The following GSK3B variants were observed in gnomAD, a reference collection of about 807,000 sequenced individuals.
GSK3B encodes the protein glycogen synthase kinase 3 beta, also known as glycogen synthase kinase-3 beta.
Under a neutral mutation model 56.4 loss-of-function variants are expected in GSK3B, and 15 were observed. The ratio of observed to expected loss-of-function variants is 0.27; its 90% CI spans 0.18 to 0.41. The LOEUF is 0.41. Among genes scored for constraint, GSK3B ranks in the 10% least tolerant of loss-of-function variants. The pLI is 1.00. For missense variants in GSK3B, 300 were observed against 513.4 expected (o/e 0.58, Z 4.02); for synonymous variants, 181 against 188.9 (o/e 0.96, Z 0.34).
At chr3:119,932,215 T>C (rs1022562777) in intron 3 of GSK3B, among the ~76,000 whole-genome samples, 1 of 152,198 alleles carries the variant, frequency 6.6e-6, no homozygotes, top group Non-Finnish European at 1.5e-5. Flanking sequence ...AGACATCAAA[T>C]GCAGCATCAC....
chr3:119,957,971 T>C (rs1028056161), intron 2 of GSK3B, among the ~76,000 whole-genome samples: 3 of 152,120 alleles, frequency 2.0e-5, no homozygotes, highest in Admixed American at 6.5e-5. Context: ...TGGCTCCACG[T>C]CCCCACCCAA....
At chr3:119,898,674 C>T (rs1257438739) in intron 7 of GSK3B, among the ~76,000 whole-genome samples, 2 of 152,126 alleles carry the variant, frequency 1.3e-5, no homozygotes, top group Non-Finnish European at 2.9e-5. Context: ...CCTACTCTTC[C>T]TGTATATACG....
At chr3:119,894,464 T>C (rs1020654087) in intron 7 of GSK3B, among the ~76,000 whole-genome samples, 2 of 152,144 alleles carry the variant, frequency 1.3e-5, no homozygotes, top group African/African-American at 2.4e-5. Context: ...AGTGTGATAA[T>C]AGTATTCATT....
chr3:120,000,336 C>T (rs941549688), intron 2 of GSK3B, among the ~76,000 whole-genome samples: 3 of 152,244 alleles, frequency 2.0e-5, no homozygotes, highest in Admixed American at 2.0e-4. Context: ...TTTGAGATAA[C>T]AGTACAATAT....
At chr3:119,954,106 C>G (rs2057185684) in intron 2 of GSK3B, among the ~76,000 whole-genome samples, 1 of 152,072 alleles carries the variant, frequency 6.6e-6, no homozygotes, top group Non-Finnish European at 1.5e-5. Flanking sequence ...GAGCAGGTTA[C>G]TTTGTCTTTA....
intron 1 of GSK3B, among the ~76,000 whole-genome samples, chr3:120,032,553 C>G (rs1360737382): frequency 6.6e-6 from 1 of 152,042 alleles, no homozygotes; most frequent in East Asian, 1.9e-4. Context: ...GTGGCATGTT[C>G]CTGTAGTCCC....
chr3:119,844,349 G>A (rs1355827840), intron 9 of GSK3B, among the ~76,000 whole-genome samples: 1 of 132,376 alleles, frequency 7.6e-6, no homozygotes, highest in Non-Finnish European at 1.6e-5. Flanking sequence ...GAAGGAGACA[G>A]AGACACAAAA....
chr3:120,041,839 A>C (rs894345350), intron 1 of GSK3B, among the ~76,000 whole-genome samples: 7 of 152,352 alleles, frequency 4.6e-5, no homozygotes, highest in Middle Eastern at 3.4e-3. Flanking sequence ...GCTCTTAAAG[A>C]AATAGAGTCA....
At chr3:120,046,390 A>G (rs912958512) in intron 1 of GSK3B, among the ~76,000 whole-genome samples, 1 of 152,188 alleles carries the variant, frequency 6.6e-6, no homozygotes, top group African/African-American at 2.4e-5. Flanking sequence ...CAAGATGTTA[A>G]TAACAGGGGA....
chr3:120,084,506 T>C (rs970073598), intron 1 of GSK3B: 1 of 152,200 alleles, frequency 6.6e-6, no homozygotes, highest in Non-Finnish European at 1.5e-5. Flanking sequence ...ATATATTCCT[T>C]TATAAAAGTA....
At chr3:120,079,587 G>A (rs1382653403) in intron 1 of GSK3B, among the ~76,000 whole-genome samples, 1 of 151,544 alleles carries the variant, frequency 6.6e-6, no homozygotes. Context: ...TAGATATGAG[G>A]TTTCACCATG....
intron 1 of GSK3B, chr3:120,028,649 A>C: frequency 2.9e-6 from 1 of 343,748 alleles, no homozygotes. Context: ...ATGCTACTTT[A>C]ATAAATCCCA....
chr3:119,925,705 T>G (rs2056883194), intron 3 of GSK3B, among the ~76,000 whole-genome samples: 1 of 145,404 alleles, frequency 6.9e-6, no homozygotes, highest in South Asian at 2.2e-4. Flanking sequence ...TCTCCCATCT[T>G]AAAAAAAAAA....
In GSK3B at chr3:119,823,151, T is replaced by G. The variant is rs537681129; in HGVS notation, c.*3637A>C. ...AAAATAGTAACCTTTGGTTTGGTAGTTTTTTCTTCTATTCAAGACATTTTA... is the reference window on the plus strand; with the variant it reads ...AAAATAGTAACCTTTGGTTTGGTAGGTTTTTCTTCTATTCAAGACATTTTA... On this transcript the variant is annotated 3_prime_UTR_variant, in exon 11 of 11. Coordinates refer to ENST00000264235, the MANE Select transcript of GSK3B (RefSeq NM_001146156.2). 3 of 230,050 alleles carry G rather than the reference T, an allele frequency of 1.3e-5. No homozygotes were observed. Among genetic ancestry groups the G allele is most frequent in the African/African-American group, 6.6e-5 (3 of 45,272 alleles). The allele number at this position is 230,050 out of a possible 1,614,324, so 14.3% of individuals were successfully genotyped here. A position where few individuals can be genotyped will look rare whatever the true frequency, so the allele number is the denominator to read the frequency against.
In GSK3B at chr3:119,930,860, T is replaced by G. The variant is rs541208773; in HGVS notation, c.367-7377A>C. Among the ~76,000 whole-genome samples, 10 of 152,368 alleles carry G rather than the reference T, an allele frequency of 6.6e-5. No homozygotes were observed. The East Asian group carries it at 1.5e-3, about 23-fold the overall frequency. Reference sequence around the variant, plus strand: ...TCATGCTGCATTGCAAGTAGTGATATCCCTTTATTGGCCACATATTTTATT... The same window carrying G: ...TCATGCTGCATTGCAAGTAGTGATAGCCCTTTATTGGCCACATATTTTATT... On this transcript the variant is annotated intron_variant, in intron 3 of 10. Transcript: ENST00000264235.
At position 119,840,068 on chromosome 3, in the gene GSK3B, T is replaced by G. The variant is rs142358058; in HGVS notation, c.1195+3187A>C. ...TGCTTTGTGAGGAAAGCTTCGGCTA[T>G]GTCTGTAGCTTAGCAGTCCCTCACT... On this transcript the variant is annotated intron_variant, in intron 10 of 10. Coordinates refer to ENST00000264235, the MANE Select transcript of GSK3B (RefSeq NM_001146156.2). Among the ~76,000 whole-genome samples the G allele has an allele frequency of 5.3e-5, 8 of 152,312 alleles. No individual in the cohort carries two copies. The East Asian group carries it at 1.2e-3, about 22-fold the overall frequency.
intron 9 of GSK3B, among the ~76,000 whole-genome samples, chr3:119,848,556 C>G (rs1246777194): frequency 1.3e-5 from 2 of 152,062 alleles, no homozygotes; most frequent in African/African-American, 4.8e-5. Context: ...TTCATCACCC[C>G]AAAGGGAAAC....
chr3:119,964,601 G>A (rs1409148234), intron 2 of GSK3B, among the ~76,000 whole-genome samples: 1 of 152,124 alleles, frequency 6.6e-6, no homozygotes, highest in Non-Finnish European at 1.5e-5. Flanking sequence ...AGGAGACAGG[G>A]GAGGAAGATA....
intron 6 of GSK3B, among the ~76,000 whole-genome samples, chr3:119,909,440 TTTGGTTTCCAC>T (rs2107450982): frequency 6.6e-6 from 1 of 152,338 alleles, no homozygotes; most frequent in Admixed American, 6.5e-5. Flanking sequence ...GTAAAATAAT[TTTGGTTTCCAC>T]TTGCACATCC....
Sources: allele counts gnomAD v4.1 joint callset (sites outside exome capture counted in the v4.1 genomes callset), GRCh38; gene constraint gnomAD v4.1.1; transcripts MANE v1.5; gene names NCBI Gene and HGNC (gene_info 2026-07-23, HGNC 2026-07-21).